Variants in TAFA1 observed in about 807,000 individuals in gnomAD.
TAFA1 encodes chemokine-like protein TAFA-1.
In TAFA1, 4 loss-of-function variants were observed where a neutral mutation model predicts 18.5. The ratio of observed to expected loss-of-function variants is 0.22; its 90% CI spans 0.11 to 0.49. TAFA1 has a LOEUF of 0.49. Among genes scored for constraint, TAFA1 ranks in the 20% least tolerant of loss-of-function variants. The probability of loss-of-function intolerance (pLI) is 0.98; values close to 1 mark genes in which losing one functional copy is unlikely to be tolerated. For synonymous variants in TAFA1, 56 were observed against 55.2 expected, an observed-to-expected ratio of 1.01 and a Z score of -0.06; for missense variants, 147 against 169.0, an observed-to-expected ratio of 0.87 and a Z score of 0.72.
intron 2 of TAFA1, among the ~76,000 whole-genome samples, chr3:68,271,429 C>G (rs1037979350): frequency 6.6e-6 from 1 of 152,136 alleles, no homozygotes; most frequent in Non-Finnish European, 1.5e-5. Flanking sequence ...ATCAGCCCCA[C>G]TCAACCCACG....
chr3:68,314,407 A>G (rs2068572638), intron 2 of TAFA1, among the ~76,000 whole-genome samples: 2 of 152,124 alleles, frequency 1.3e-5, no homozygotes, highest in Admixed American at 1.3e-4. Flanking sequence ...CCACCAACAC[A>G]TAATCATTCC....
chr3:68,058,104 C>A (rs2064558066), intron 2 of TAFA1, among the ~76,000 whole-genome samples: 1 of 152,170 alleles, frequency 6.6e-6, no homozygotes, highest in Admixed American at 6.5e-5. Context: ...GAAGTGGAAG[C>A]AGTGATGTCT....
At chr3:68,109,768 A>G (rs2065243377) in intron 2 of TAFA1, among the ~76,000 whole-genome samples, 1 of 152,172 alleles carries the variant, frequency 6.6e-6, no homozygotes, top group Non-Finnish European at 1.5e-5. Flanking sequence ...GTTTATTCAT[A>G]GAACAAAAGT....
intron 2 of TAFA1, among the ~76,000 whole-genome samples, chr3:68,213,753 A>G (rs930192670): frequency 1.3e-5 from 2 of 152,038 alleles, no homozygotes; most frequent in Non-Finnish European, 2.9e-5. Flanking sequence ...TAGTAATTGC[A>G]CTCACAGTAA....
chr3:68,529,665 A>G (rs2073161665), intron 3 of TAFA1, among the ~76,000 whole-genome samples: 1 of 152,124 alleles, frequency 6.6e-6, no homozygotes, highest in African/African-American at 2.4e-5. Flanking sequence ...GCAGAAGGTG[A>G]AGGGGAGCTG....
intron 2 of TAFA1, among the ~76,000 whole-genome samples, chr3:68,067,732 T>C (rs1287078848): frequency 1.3e-5 from 2 of 152,122 alleles, no homozygotes; most frequent in African/African-American, 4.8e-5. Flanking sequence ...CTTTTTCCTT[T>C]CCTTTCCTTC....
At chr3:68,429,509 G>A (rs1376929072) in intron 3 of TAFA1, among the ~76,000 whole-genome samples, 2 of 151,858 alleles carry the variant, frequency 1.3e-5, no homozygotes, top group Non-Finnish European at 2.9e-5. Context: ...AGAAGCAAGG[G>A]TAGGAAAGAT....
At chr3:68,373,966 T>A (rs1292735414) in intron 2 of TAFA1, among the ~76,000 whole-genome samples, 1 of 152,112 alleles carries the variant, frequency 6.6e-6, no homozygotes, top group African/African-American at 2.4e-5. Context: ...AGAAACTCAC[T>A]TGGGCAAGAA....
chr3:68,439,069 G>A (rs1000389757), intron 3 of TAFA1, among the ~76,000 whole-genome samples: 14 of 152,030 alleles, frequency 9.2e-5, no homozygotes, highest in Non-Finnish European at 2.1e-4. Context: ...ATAATACTTG[G>A]CTCCCTTCTA....
chr3:68,395,182 CAT>C (rs1183154244), intron 2 of TAFA1, among the ~76,000 whole-genome samples: 1 of 151,838 alleles, frequency 6.6e-6, no homozygotes, highest in East Asian at 1.9e-4. Flanking sequence ...GGCCAACAAA[CAT>C]ATGAAAAAAA....
upstream of TAFA1, among the ~76,000 whole-genome samples, chr3:68,002,153 G>T (rs930744202): frequency 6.6e-6 from 1 of 152,174 alleles, no homozygotes; most frequent in African/African-American, 2.4e-5. Flanking sequence ...TGGCCTCAAA[G>T]ATCAATATAT....
intron 3 of TAFA1, among the ~76,000 whole-genome samples, chr3:68,504,985 G>C (rs139028091): frequency 2.4e-4 from 36 of 152,248 alleles, no homozygotes; most frequent in Non-Finnish European, 2.9e-5. Context: ...GGTAAGAACA[G>C]AGTGTGTCTT....
chr3:68,262,701 A>AT (rs1156416513), intron 2 of TAFA1, among the ~76,000 whole-genome samples: 1 of 152,004 alleles, frequency 6.6e-6, no homozygotes, highest in African/African-American at 2.4e-5. Flanking sequence ...ACCTAGGTTG[A>AT]TTCCATATCT....
chr3:68,188,048 T>C (rs2066291376), intron 2 of TAFA1, among the ~76,000 whole-genome samples: 1 of 152,056 alleles, frequency 6.6e-6, no homozygotes, highest in South Asian at 2.1e-4. Flanking sequence ...TTATTTTATA[T>C]TCTGAATATA....
At chr3:68,337,934 C>G (rs1022172080) in intron 2 of TAFA1, among the ~76,000 whole-genome samples, 3 of 152,210 alleles carry the variant, frequency 2.0e-5, no homozygotes, top group Non-Finnish European at 2.9e-5. Flanking sequence ...TTCATTAATT[C>G]ACTGAAGACC....
At chr3:68,414,992 A>C (rs957470551) in intron 2 of TAFA1, among the ~76,000 whole-genome samples, 1 of 152,170 alleles carries the variant, frequency 6.6e-6, no homozygotes, top group Admixed American at 6.6e-5. Context: ...TGTAGCTGAC[A>C]ATTATAAGCT....
chr3:68,071,480 T>A (rs1221626748), intron 2 of TAFA1, among the ~76,000 whole-genome samples: 1 of 151,952 alleles, frequency 6.6e-6, no homozygotes, highest in Admixed American at 6.6e-5. Flanking sequence ...ACATCATCAG[T>A]GGGGTGAATG....
At chr3:68,246,718 C>T (rs2067088723) in intron 2 of TAFA1, 1 of 151,400 alleles carries the variant, frequency 6.6e-6, no homozygotes, top group Admixed American at 6.6e-5. Flanking sequence ...AGCACTATCT[C>T]CATCTAAGAA....
chr3:68,481,385 G>C (rs2072234326), intron 3 of TAFA1, among the ~76,000 whole-genome samples: 1 of 152,174 alleles, frequency 6.6e-6, no homozygotes, highest in Admixed American at 6.5e-5. Context: ...CCACAAACAA[G>C]TGGTGTCTTG....
Sources: allele counts gnomAD v4.1 joint callset (sites outside exome capture counted in the v4.1 genomes callset), GRCh38; gene constraint gnomAD v4.1.1; transcripts MANE v1.5; gene names NCBI Gene and HGNC (gene_info 2026-07-23, HGNC 2026-07-21).